Variants in CKAP5 observed in about 807,000 individuals in gnomAD.
CKAP5 encodes the protein cytoskeleton-associated protein 5.
A neutral mutation model predicts 232.8 loss-of-function variants in CKAP5; 27 were observed. That is an observed-to-expected ratio of 0.12 (90% CI 0.09 to 0.16). CKAP5 has a LOEUF of 0.16. CKAP5 is among the 10% of genes least tolerant of loss of function. The pLI is 1.00. For synonymous variants in CKAP5, 785 were observed against 841.1 expected (o/e 0.93, Z 1.16); for missense variants, 1,838 against 2,424.7 (o/e 0.76, Z 5.08).
At chr11:46,830,326 A>C (rs1939757441) in intron 1 of CKAP5, among the ~76,000 whole-genome samples, 1 of 151,226 alleles carries the variant, frequency 6.6e-6, no homozygotes, top group African/African-American at 2.4e-5. Flanking sequence ...CTGTAGTCCC[A>C]GCTACTCGGG....
chr11:46,788,508 A>G (rs1050410083), intron 16 of CKAP5, among the ~76,000 whole-genome samples, 173 bp downstream of exon 16: 6 of 151,934 alleles, frequency 3.9e-5, no homozygotes, highest in African/African-American at 9.7e-5. Context: ...CAGGAGGTGG[A>G]GGTTGTGGTG....
chr11:46,791,328 T>C (rs754877541), intron 13 of CKAP5, among the ~76,000 whole-genome samples: 3 of 151,480 alleles, frequency 2.0e-5, no homozygotes, highest in African/African-American at 2.4e-5. Flanking sequence ...CGGCTCACTA[T>C]AGCCTTGACC....
At chr11:46,835,311 C>A (rs1939889517) in intron 1 of CKAP5, among the ~76,000 whole-genome samples, 1 of 151,830 alleles carries the variant, frequency 6.6e-6, no homozygotes, top group South Asian at 2.1e-4. Flanking sequence ...AACACTGACA[C>A]CCCACTAGCA....
At chr11:46,777,601 G>A in intron 22 of CKAP5, 49 bp from the exon 23 acceptor site, 1 of 1,329,056 alleles carries the variant, frequency 7.5e-7, no homozygotes, top group East Asian at 2.3e-5. Context: ...AGCAAGTTGT[G>A]TGCAAACTTC....
At chr11:46,782,910 C>G (rs1458203654) in intron 18 of CKAP5, among the ~76,000 whole-genome samples, 3 of 152,194 alleles carry the variant, frequency 2.0e-5, no homozygotes, top group Non-Finnish European at 4.4e-5. Flanking sequence ...ACAAGCTCTT[C>G]TATTGCAGGA....
In CKAP5 at chr11:46,769,954, TAG is replaced by T; in HGVS notation, c.3322+7_3322+8del. On this transcript the variant is annotated splice_region_variant and intron_variant, in intron 26 of 43. Transcript: ENST00000529230. ...TCCTTCCCCTTTAACCTTCTTAAGA[TAG>T]AGTTACCTGATGCAGGCTGGAATTT... 1 of 1,613,944 alleles carries T rather than the reference TAG, an allele frequency of 6.2e-7. No homozygotes were observed. The highest frequency in any genetic ancestry group is 8.5e-7 in the Non-Finnish European group (1 of 1,179,902).
intron 24 of CKAP5, 139 bp downstream of exon 24, chr11:46,776,116 C>T (rs574212944): frequency 3.7e-5 from 24 of 650,522 alleles, no homozygotes; most frequent in Non-Finnish European, 5.6e-5. Flanking sequence ...TACAAAGGCC[C>T]CAGGAATGTG....
intron 1 of CKAP5, among the ~76,000 whole-genome samples, chr11:46,834,444 G>C (rs942200781): frequency 5.3e-5 from 8 of 150,828 alleles, no homozygotes. Flanking sequence ...GCTTGAACCT[G>C]GGAGGCGGTG....
At position 46,818,572 on chromosome 11, in the gene CKAP5, G is replaced by C. The variant is rs1241798599; in HGVS notation, c.58-69C>G. The C allele has an allele frequency of 2.7e-6, 3 of 1,109,444 alleles. No individual in the cohort carries two copies. In the African/African-American group the frequency reaches 4.8e-5, roughly 18 times the overall value. The allele number at this position is 1,109,444 out of a possible 1,614,324, so 68.7% of individuals were successfully genotyped here. Reference sequence around the variant, plus strand: ...TATTATCATCTACTATTAATCTGGGGGGGGAGGGTGTGAGAATAGAAATGA... The same window carrying C: ...TATTATCATCTACTATTAATCTGGGCGGGGAGGGTGTGAGAATAGAAATGA... On this transcript the variant is annotated intron_variant, in intron 2 of 43. Coordinates refer to ENST00000529230, the MANE Select transcript of CKAP5 (RefSeq NM_001008938.4).
At chr11:46,834,627 C>CA (rs1487525684) in intron 1 of CKAP5, among the ~76,000 whole-genome samples, 5 of 151,228 alleles carry the variant, frequency 3.3e-5, no homozygotes, top group African/African-American at 1.2e-4. Flanking sequence ...TCTGGGTGTA[C>CA]AAGCAATCTA....
At chr11:46,834,245 G>A (rs1254992492) in intron 1 of CKAP5, among the ~76,000 whole-genome samples, 1 of 152,018 alleles carries the variant, frequency 6.6e-6, no homozygotes, top group Admixed American at 6.6e-5. Flanking sequence ...TTGGCCTGGT[G>A]CGGTGGCTCA....
At chr11:46,767,732 T>C in intron 26 of CKAP5, 69 bp from the exon 27 acceptor site, 1 of 915,422 alleles carries the variant, frequency 1.1e-6, no homozygotes, top group Middle Eastern at 3.4e-4. Context: ...ACAGGTTAAA[T>C]ATATAATGAT....
Position 46,743,876 on chromosome 11 carries a change from T to C in CKAP5, c.*147A>G. 1 of 939,848 alleles carries C rather than the reference T, an allele frequency of 1.1e-6. No individual in the cohort carries two copies. Among genetic ancestry groups the C allele is most frequent in the Non-Finnish European group, 1.6e-6 (1 of 620,002 alleles). The allele number at this position is 939,848 out of a possible 1,614,324, so 58.2% of individuals were successfully genotyped here. ...GAGAAGCAGAGTATGTACAAATACTTGTGCCACAATGACTCCTCCCCCTAG... is the reference window on the plus strand; with the variant it reads ...GAGAAGCAGAGTATGTACAAATACTCGTGCCACAATGACTCCTCCCCCTAG... On this transcript the variant is annotated 3_prime_UTR_variant, in exon 44 of 44. Transcript: ENST00000529230.
At chr11:46,753,224 G>A (rs760870929) in intron 37 of CKAP5, 86 bp downstream of exon 37, 26 of 1,059,864 alleles carry the variant, frequency 2.5e-5, no homozygotes, top group Admixed American at 1.2e-4. Flanking sequence ...GGTTGCCTAG[G>A]AAGTTGACTT....
chr11:46,845,678 G>T (rs1940171026), intron 1 of CKAP5, among the ~76,000 whole-genome samples: 1 of 152,186 alleles, frequency 6.6e-6, no homozygotes, highest in Admixed American at 6.5e-5. Context: ...AAAGCCAGTC[G>T]TTAAGGGCGG....
chr11:46,747,646 C>A (rs2065032132), intron 42 of CKAP5, among the ~76,000 whole-genome samples: 1 of 145,814 alleles, frequency 6.9e-6, no homozygotes, highest in South Asian at 2.2e-4. Flanking sequence ...GGTATTTGAA[C>A]AAAGATGTGA....
At position 46,778,244 on chromosome 11, in the gene CKAP5, T is replaced by C; in HGVS notation, c.2643A>G (p.Leu881=). The change falls in exon 22 of 44, where the codon CTA becomes CTG. Residue 881 remains leucine (L), a synonymous_variant. Coordinates refer to ENST00000529230, the MANE Select transcript of CKAP5 (RefSeq NM_001008938.4). The part of the protein sequence containing the change: ...DKNWKIRKEG[L]DEVAGIINDA... ...CATTAATAATACCTGCCACTTCATC[T>C]AGGCCTTCTTTCCTAATCTTCCAAT... 6.2e-7 allele frequency: 1 copy of C among 1,613,842 alleles called. No individual in the cohort carries two copies.
chr11:46,767,886 G>T (rs1214044716), intron 26 of CKAP5, among the ~76,000 whole-genome samples: 1 of 151,736 alleles, frequency 6.6e-6, no homozygotes, highest in African/African-American at 2.4e-5. Context: ...CTGACCTCCT[G>T]GGCTCAATGA....
intron 8 of CKAP5, among the ~76,000 whole-genome samples, chr11:46,807,735 T>C (rs1170639021): frequency 2.6e-5 from 4 of 152,172 alleles, no homozygotes; most frequent in South Asian, 4.1e-4. Flanking sequence ...GCTCATCCTA[T>C]AGAATTATAA....
Sources: allele counts gnomAD v4.1 joint callset (sites outside exome capture counted in the v4.1 genomes callset), GRCh38; gene constraint gnomAD v4.1.1; transcripts MANE v1.5; gene names NCBI Gene and HGNC (gene_info 2026-07-23, HGNC 2026-07-21).